The following ENTPD3 variants were observed in gnomAD, a reference collection of about 807,000 sequenced individuals.
ENTPD3 encodes CD39 antigen-like 3.
A neutral mutation model predicts 51.2 loss-of-function variants in ENTPD3; 60 were observed. The ratio of observed to expected loss-of-function variants is 1.17; its 90% CI spans 0.95 to 1.45. ENTPD3 has a LOEUF of 1.45. ENTPD3 is among the 40% of genes most tolerant of loss of function. The pLI is 0.00. For synonymous variants in ENTPD3, 221 were observed against 238.4 expected (o/e 0.93, Z 0.67); for missense variants, 593 against 641.1 (o/e 0.93, Z 0.81).
At chr3:40,402,111 C>CTTTTTTTTTTTTTTTTTT (rs775322652) in intron 4 of ENTPD3, among the ~76,000 whole-genome samples, 78 of 97,040 alleles carry the variant, frequency 8.0e-4, no homozygotes, top group East Asian at 2.4e-3. Flanking sequence ...ATTTCCTTTC[C>CTTTTTTTTTTTTTTTTTT]TTTTTTTTTT....
intron 2 of ENTPD3, 151 bp from the exon 3 acceptor site, chr3:40,391,872 T>A: frequency 1.2e-6 from 1 of 838,532 alleles, no homozygotes; most frequent in Non-Finnish European, 1.9e-6. Flanking sequence ...GGAGCTTATT[T>A]GCTACTCCAT....
rs139999941 is a variant in ENTPD3, at chr3:40,411,117, C to T, written c.287-695C>T. Among the ~76,000 whole-genome samples, 758 of 151,670 alleles carry T rather than the reference C, an allele frequency of 5.0e-3. 6 individuals are homozygous for T. The highest frequency in any genetic ancestry group is 0.016 in the African/African-American group (682 of 41,348). ...ACCAGCCTGGACAACATGGTGAAAC[C>T]GTGTCTCTATAAAAAAACCAAAAAT... On this transcript the variant is annotated intron_variant, in intron 4 of 10. Coordinates refer to ENST00000301825, the MANE Select transcript of ENTPD3 (RefSeq NM_001248.4).
chr3:40,389,564 A>T (rs1427535399), intron 2 of ENTPD3, among the ~76,000 whole-genome samples: 1 of 152,220 alleles, frequency 6.6e-6, no homozygotes, highest in African/African-American at 2.4e-5. Context: ...AATATTGACA[A>T]GTTGCCCTCC....
At position 40,422,945 on chromosome 3, in the gene ENTPD3, T is replaced by A. The variant is rs1315995429; in HGVS notation, c.927T>A (p.Thr309=). 1.9e-6 allele frequency: 3 copies of A among 1,613,986 alleles called. No homozygotes were observed. Among genetic ancestry groups the A allele is most frequent in the Admixed American group, 1.7e-5 (1 of 59,996 alleles). ...GCCATGTATTTGATAGCCTGTGCAC[T>A]GTGGACCAGAGGCCAGAAAGTTATA... ...TMGHVFDSLC[T]VDQRPESYNP... The change falls in exon 8 of 11, where the codon ACT becomes ACA. Residue 309 remains threonine, a synonymous_variant. Transcript: ENST00000301825.
chr3:40,390,550 A>C (rs1955029733), intron 2 of ENTPD3, among the ~76,000 whole-genome samples: 2 of 152,184 alleles, frequency 1.3e-5, no homozygotes, highest in Admixed American at 6.5e-5. Flanking sequence ...TTTTTAAAAA[A>C]TTAGGTATAA....
chr3:40,390,073 T>C (rs1955019087), intron 2 of ENTPD3, among the ~76,000 whole-genome samples: 1 of 152,326 alleles, frequency 6.6e-6, no homozygotes, highest in Non-Finnish European at 1.5e-5. Flanking sequence ...TTAATTAATT[T>C]ACATTTAGAT....
rs1426659069 is a variant in ENTPD3, at chr3:40,427,487, C to T, written c.1569C>T (p.Asp523=). ...AGAGGCACTCCGAGCATGCCTTTGACCATGCAGTGGATTCTGACTGAGCCT... is the reference window on the plus strand; with the variant it reads ...AGAGGCACTCCGAGCATGCCTTTGATCATGCAGTGGATTCTGACTGAGCCT... ...RRKRHSEHAF[D]HAVDSD is the part of the protein sequence containing the mutation. The change falls in exon 11 of 11, where the codon GAC becomes GAT. Residue 523 remains aspartate, a synonymous_variant. Transcript: ENST00000301825. The T allele has an allele frequency of 6.2e-7, 1 of 1,613,954 alleles. No individual in the cohort carries two copies.
At chr3:40,401,684 A>C (rs62263876) in intron 4 of ENTPD3, among the ~76,000 whole-genome samples, 4,341 of 152,290 alleles carry the variant, frequency 0.029, 85 homozygotes, top group Non-Finnish European at 0.048. Flanking sequence ...GGACACTGAA[A>C]TTTTGAATTT....
intron 3 of ENTPD3, 45 bp from the exon 4 acceptor site, chr3:40,400,849 G>A: frequency 6.7e-7 from 1 of 1,492,524 alleles, no homozygotes; most frequent in Non-Finnish European, 9.3e-7. Flanking sequence ...GCAGTCCTCA[G>A]AGGAGTCCCG....
Position 40,427,644 on chromosome 3 carries a change from T to C in ENTPD3, c.*136T>C, listed in dbSNP as rs1302205911. ...ACACCTAGGTCACGTGCCTCTCAAA[T>C]ACTGATTTCTGCCACAGCACCTCTT... is the stretch of plus-strand genomic sequence containing the variant. On this transcript the variant is annotated 3_prime_UTR_variant, in exon 11 of 11. Transcript: ENST00000301825. 1.0e-5 allele frequency: 7 copies of C among 668,112 alleles called. No homozygotes were observed. Among genetic ancestry groups the C allele is most frequent in the Admixed American group, 2.5e-5 (1 of 39,432 alleles). The allele number at this position is 668,112 out of a possible 1,614,324, so 41.4% of individuals were successfully genotyped here.
intron 10 of ENTPD3, 86 bp downstream of exon 10, chr3:40,424,049 G>T (rs1014582000): frequency 1.8e-4 from 293 of 1,585,516 alleles, no homozygotes; most frequent in Non-Finnish European, 2.4e-4. Context: ...AAGGTAAAAG[G>T]GTATTAATGA....
chr3:40,406,029 A>C (rs1451475087), intron 4 of ENTPD3, among the ~76,000 whole-genome samples: 1 of 152,218 alleles, frequency 6.6e-6, no homozygotes, highest in African/African-American at 2.4e-5. Context: ...CTTGCATTCC[A>C]ATGAGGAAGA....
chr3:40,408,946 T>C lies in ENTPD3; in HGVS notation c.287-2866T>C, dbSNP rs150460536. On this transcript the variant is annotated intron_variant, in intron 4 of 10. Transcript: ENST00000301825. ...AACATTTTTCTTTTTTTAGGATTAA[T>C]ATATTTTTATATTAAAAATTATTCA... Among the ~76,000 whole-genome samples, 831 of 152,146 alleles carry C rather than the reference T, an allele frequency of 5.5e-3. 25 individuals carry two copies. Among genetic ancestry groups the C allele is most frequent in the Admixed American group, 0.051 (776 of 15,286 alleles).
At chr3:40,390,248 G>C (rs550787609) in intron 2 of ENTPD3, among the ~76,000 whole-genome samples, 1 of 152,142 alleles carries the variant, frequency 6.6e-6, no homozygotes, top group South Asian at 2.1e-4. Context: ...TCTGTCACCA[G>C]GCTGGAGTAT....
At chr3:40,405,617 C>T (rs1157871866) in intron 4 of ENTPD3, among the ~76,000 whole-genome samples, 2 of 152,092 alleles carry the variant, frequency 1.3e-5, no homozygotes, top group African/African-American at 4.8e-5. Context: ...CCCTCTCTCC[C>T]CATATTGAAA....
At chr3:40,421,958 A>C (rs1955882850) in intron 7 of ENTPD3, among the ~76,000 whole-genome samples, 1 of 152,154 alleles carries the variant, frequency 6.6e-6, no homozygotes, top group Non-Finnish European at 1.5e-5. Flanking sequence ...GTTTATTTGT[A>C]CCTTTTGGAT....
At chr3:40,415,271 C>T (rs1031572102) in intron 6 of ENTPD3, among the ~76,000 whole-genome samples, 1 of 152,118 alleles carries the variant, frequency 6.6e-6, no homozygotes, top group Non-Finnish European at 1.5e-5. Flanking sequence ...GGTCTCCTCA[C>T]AGTCCAATCC....
At chr3:40,425,916 A>T (rs1043271451) in intron 10 of ENTPD3, among the ~76,000 whole-genome samples, 1 of 150,454 alleles carries the variant, frequency 6.6e-6, no homozygotes, top group African/African-American at 2.4e-5. Flanking sequence ...AAAAAAAATT[A>T]TATTAAAAAA....
At chr3:40,413,221 A>G (rs1955674091) in intron 5 of ENTPD3, among the ~76,000 whole-genome samples, 1 of 152,222 alleles carries the variant, frequency 6.6e-6, no homozygotes, top group Non-Finnish European at 1.5e-5. Context: ...TTAGTTTGTG[A>G]AATCCTTCTG....
Sources: gnomAD v4.1 joint callset for allele counts (sites outside exome capture counted in the v4.1 genomes callset) on GRCh38, gnomAD v4.1.1 for gene constraint, MANE v1.5 for transcripts, NCBI Gene and HGNC (gene_info 2026-07-23, HGNC 2026-07-21) for gene names.